The following DIAPH2 variants were observed in gnomAD, a reference collection of about 807,000 sequenced individuals.
DIAPH2 encodes diaphanous related formin 2, also known as protein diaphanous homolog 2.
DIAPH2 carries 35 observed loss-of-function variants against 92.7 expected under a neutral mutation model. The ratio of observed to expected loss-of-function variants is 0.38; its 90% CI spans 0.29 to 0.50. The LOEUF (loss-of-function observed/expected upper bound fraction) is 0.50. DIAPH2 is among the 20% of genes least tolerant of loss of function. The pLI, the probability that DIAPH2 is intolerant of heterozygous loss-of-function variation, is 0.94. For synonymous variants in DIAPH2, 301 were observed against 280.4 expected (o/e 1.07, Z -0.73); for missense variants, 701 against 819.5 (o/e 0.86, Z 1.77).
intron 22 of DIAPH2, among the ~76,000 whole-genome samples, chrX:97,238,373 A>G (rs776827033): frequency 8.9e-6 from 1 of 111,929 alleles, no homozygotes; most frequent in African/African-American, 3.2e-5. Context: ...ATGTTTTCTT[A>G]CTGGATTTCC....
chrX:96,943,667 G>T (rs1364764210), intron 13 of DIAPH2, among the ~76,000 whole-genome samples: 1 of 110,721 alleles, frequency 9.0e-6, no homozygotes, highest in Non-Finnish European at 1.9e-5. Flanking sequence ...ATAGTTTTTT[G>T]AAGTATTTTA....
chrX:96,813,068 G>T (rs1419915061), intron 4 of DIAPH2, among the ~76,000 whole-genome samples: 2 of 111,375 alleles, frequency 1.8e-5, no homozygotes, highest in African/African-American at 3.3e-5. Context: ...TTAAGTGCTG[G>T]ATATCCTTGT....
chrX:97,076,016 T>A (rs772237772), intron 19 of DIAPH2, among the ~76,000 whole-genome samples: 28 of 111,912 alleles, frequency 2.5e-4, no homozygotes, highest in Non-Finnish European at 3.8e-5. Flanking sequence ...TACAGGGTCA[T>A]TGTGAGGTTT....
At chrX:97,560,216 C>T (rs768506953) in intron 26 of DIAPH2, among the ~76,000 whole-genome samples, 1 of 112,223 alleles carries the variant, frequency 8.9e-6, no homozygotes, top group East Asian at 2.8e-4. Flanking sequence ...CATCTGTATA[C>T]AAGACTTTAA....
At chrX:97,109,510 G>T (rs183756223) in intron 20 of DIAPH2, among the ~76,000 whole-genome samples, 1 of 111,629 alleles carries the variant, frequency 9.0e-6, no homozygotes, top group African/African-American at 3.3e-5. Flanking sequence ...TACAGTATGG[G>T]TCTGGAGAAT....
chrX:97,460,603 A>AG (rs1436717432), intron 26 of DIAPH2, among the ~76,000 whole-genome samples: 1 of 112,024 alleles, frequency 8.9e-6, no homozygotes, highest in African/African-American at 3.2e-5. Context: ...AATCCTTTAG[A>AG]AATGAAGAAA....
chrX:97,216,711 G>A (rs956448012), intron 22 of DIAPH2, among the ~76,000 whole-genome samples: 1 of 111,829 alleles, frequency 8.9e-6, no homozygotes, highest in Non-Finnish European at 1.9e-5. Flanking sequence ...GAAGAATTAC[G>A]TGATATAGGT....
intron 5 of DIAPH2, among the ~76,000 whole-genome samples, chrX:96,890,566 T>G (rs1369197534): frequency 9.0e-6 from 1 of 111,435 alleles, no homozygotes; most frequent in African/African-American, 3.3e-5. Context: ...CGTGGGTAAT[T>G]CTCCTCCCTA....
At chrX:96,917,806 G>T in intron 8 of DIAPH2, among the ~76,000 whole-genome samples, 1 of 109,482 alleles carries the variant, frequency 9.1e-6, no homozygotes. Flanking sequence ...AAAAAATGTT[G>T]ATTAAAAAAA....
At chrX:97,503,978 T>C (rs1487651571) in intron 26 of DIAPH2, among the ~76,000 whole-genome samples, 1 of 111,951 alleles carries the variant, frequency 8.9e-6, no homozygotes, top group East Asian at 2.8e-4. Context: ...AACTCTCTAT[T>C]ATTTAGCACA....
intron 4 of DIAPH2, among the ~76,000 whole-genome samples, chrX:96,764,193 A>G (rs901588259): frequency 1.8e-5 from 2 of 111,514 alleles, no homozygotes; most frequent in African/African-American, 3.3e-5. Flanking sequence ...ATAGGAATTC[A>G]TAAGTAGGAG....
chrX:96,691,101 T>C (rs1569366728), intron 1 of DIAPH2, among the ~76,000 whole-genome samples: 2 of 112,023 alleles, frequency 1.8e-5, no homozygotes, highest in Non-Finnish European at 3.8e-5. Context: ...CAACCTGCTT[T>C]CAAAGAACAC....
At chrX:97,327,541 T>A (rs2147662955) in intron 23 of DIAPH2, among the ~76,000 whole-genome samples, 1 of 112,426 alleles carries the variant, frequency 8.9e-6, no homozygotes, top group East Asian at 2.8e-4. Context: ...CAAACAATTC[T>A]CATGCCTCAG....
intron 4 of DIAPH2, among the ~76,000 whole-genome samples, chrX:96,871,000 T>A (rs1351165812): frequency 8.9e-6 from 1 of 112,030 alleles, no homozygotes; most frequent in Non-Finnish European, 1.9e-5. Context: ...ACCTTCATAA[T>A]CTTTGCCCCA....
intron 26 of DIAPH2, among the ~76,000 whole-genome samples, chrX:97,438,338 G>GTT (rs745882169): frequency 1.7e-3 from 89 of 53,727 alleles, no homozygotes; most frequent in South Asian, 0.01. Context: ...GCAGCTTCTT[G>GTT]TTTTTTTTTT....
At chrX:97,510,909 G>T (rs1473284482) in intron 26 of DIAPH2, among the ~76,000 whole-genome samples, 3 of 106,561 alleles carry the variant, frequency 2.8e-5, no homozygotes, top group Non-Finnish European at 5.8e-5. Context: ...TTTGGTTACT[G>T]TAGCCTTGTA....
chrX:97,066,462 C>T (rs1035877498), intron 17 of DIAPH2, among the ~76,000 whole-genome samples: 2 of 111,579 alleles, frequency 1.8e-5, no homozygotes, highest in Admixed American at 1.9e-4. Flanking sequence ...GTATAATGTT[C>T]GCATAATGAC....
intron 4 of DIAPH2, among the ~76,000 whole-genome samples, chrX:96,820,025 A>G (rs1400161028): frequency 4.5e-5 from 5 of 112,296 alleles, no homozygotes. Flanking sequence ...ACCGAAAGTT[A>G]TTTCATTTCC....
chrX:96,765,210 T>C (rs1262076358), intron 4 of DIAPH2, among the ~76,000 whole-genome samples: 214 of 80,772 alleles, frequency 2.6e-3, no homozygotes, highest in African/African-American at 7.4e-3. Flanking sequence ...TTTTTTTTTT[T>C]TTTTTGAGAA....
Sources: gnomAD v4.1 joint callset for allele counts (sites outside exome capture counted in the v4.1 genomes callset) on GRCh38, gnomAD v4.1.1 for gene constraint, MANE v1.5 for transcripts, NCBI Gene and HGNC (gene_info 2026-07-23, HGNC 2026-07-21) for gene names.